IGSF21: variants seen among roughly 807,000 people sequenced by gnomAD.
IGSF21 encodes immunoglobin superfamily member 21, also known as immunoglobulin superfamily member 21.
IGSF21 carries 28 observed loss-of-function variants against 46.8 expected under a neutral mutation model. The ratio of observed to expected loss-of-function variants is 0.60; its 90% CI spans 0.44 to 0.82. IGSF21 has a LOEUF of 0.82. IGSF21 is among the 40% of genes least tolerant of loss of function. IGSF21 has a pLI of 0.00. For missense variants in IGSF21, 624 were observed against 665.5 expected (o/e 0.94, Z 0.69); for synonymous variants, 284 against 273.6 (o/e 1.04, Z -0.38).
chr1:18,153,386 T>G (rs1192636286), intron 1 of IGSF21, among the ~76,000 whole-genome samples: 1 of 152,168 alleles, frequency 6.6e-6, no homozygotes, highest in East Asian at 1.9e-4. Flanking sequence ...CCCAGCCAGA[T>G]GGATGGAGCG....
At chr1:18,165,673 T>C (rs2086671672) in intron 1 of IGSF21, among the ~76,000 whole-genome samples, 1 of 152,228 alleles carries the variant, frequency 6.6e-6, no homozygotes, top group Non-Finnish European at 1.5e-5. Context: ...TTCAAAGACC[T>C]GTGCTAACAT....
At chr1:18,243,865 C>A (rs2084757696) in intron 2 of IGSF21, among the ~76,000 whole-genome samples, 1 of 152,144 alleles carries the variant, frequency 6.6e-6, no homozygotes. Context: ...TGCCAAGGTG[C>A]CTCTAGAGAC....
chr1:18,266,806 ACACAGGGGCCTTCACAGC>A (rs2084993833), intron 2 of IGSF21, among the ~76,000 whole-genome samples: 1 of 152,222 alleles, frequency 6.6e-6, no homozygotes, highest in African/African-American at 2.4e-5. Flanking sequence ...TCACTACGTG[ACACAGGGGCCTTCACAGC>A]CACAGTGTGC....
chr1:18,216,506 G>A (rs2084449937), intron 1 of IGSF21, among the ~76,000 whole-genome samples: 1 of 152,176 alleles, frequency 6.6e-6, no homozygotes, highest in African/African-American at 2.4e-5. Context: ...GGACAAGTTT[G>A]GGGGCCAGAG....
chr1:18,298,295 C>T (rs1326574232), intron 3 of IGSF21, among the ~76,000 whole-genome samples: 2 of 151,336 alleles, frequency 1.3e-5, no homozygotes, highest in Non-Finnish European at 2.9e-5. Context: ...AAGACAAAGC[C>T]GTCCACAGAG....
chr1:18,303,274 C>T (rs2085378904), intron 3 of IGSF21, among the ~76,000 whole-genome samples: 1 of 152,176 alleles, frequency 6.6e-6, no homozygotes, highest in Admixed American at 6.5e-5. Flanking sequence ...CCCTAGCAAC[C>T]ATCCTGTGCA....
intron 4 of IGSF21, among the ~76,000 whole-genome samples, chr1:18,349,582 C>A (rs1337221995): frequency 2.0e-5 from 3 of 152,100 alleles, no homozygotes; most frequent in Admixed American, 2.0e-4. Flanking sequence ...TGGCAGGAAC[C>A]CAAGGCATGA....
At chr1:18,369,980 C>T (rs1477526407) in intron 6 of IGSF21, among the ~76,000 whole-genome samples, 1 of 152,122 alleles carries the variant, frequency 6.6e-6, no homozygotes, top group African/African-American at 2.4e-5. Context: ...GCCTTGCAGA[C>T]CCCTCACCTT....
intron 2 of IGSF21, among the ~76,000 whole-genome samples, chr1:18,238,741 T>C (rs74056555): frequency 0.012 from 1,820 of 152,062 alleles, 39 homozygotes; most frequent in African/African-American, 0.042. Flanking sequence ...ACACGGCATA[T>C]CTAAGGATAA....
chr1:18,369,543 G>A (rs759625903), intron 6 of IGSF21, among the ~76,000 whole-genome samples: 2 of 152,200 alleles, frequency 1.3e-5, no homozygotes, highest in Non-Finnish European at 2.9e-5. Flanking sequence ...AGACGTCACT[G>A]AGCCAGGGGA....
chr1:18,255,196 G>C (rs897264251), intron 2 of IGSF21, among the ~76,000 whole-genome samples: 2 of 152,180 alleles, frequency 1.3e-5, no homozygotes, highest in Admixed American at 6.5e-5. Flanking sequence ...GAGGCTTGGA[G>C]GAGGGGGCTA....
At chr1:18,287,708 T>G (rs1281129375) in intron 2 of IGSF21, among the ~76,000 whole-genome samples, 3 of 152,226 alleles carry the variant, frequency 2.0e-5, no homozygotes, top group Admixed American at 6.5e-5. Flanking sequence ...TGCCTCCAGG[T>G]ACTCACTCAG....
At chr1:18,255,353 A>C (rs918432466) in intron 2 of IGSF21, among the ~76,000 whole-genome samples, 2 of 152,168 alleles carry the variant, frequency 1.3e-5, no homozygotes, top group African/African-American at 4.8e-5. Context: ...GTCAAGCCCA[A>C]TATTGCCCAT....
At chr1:18,292,944 G>A (rs2085281103) in intron 3 of IGSF21, among the ~76,000 whole-genome samples, 1 of 152,254 alleles carries the variant, frequency 6.6e-6, no homozygotes, top group African/African-American at 2.4e-5. Flanking sequence ...CAGCCTGAAA[G>A]TAGTGGTCTG....
chr1:18,221,938 G>C (rs2084514737), intron 1 of IGSF21, among the ~76,000 whole-genome samples: 1 of 152,166 alleles, frequency 6.6e-6, no homozygotes, highest in Non-Finnish European at 1.5e-5. Context: ...GGGTTAGTTG[G>C]AGCAGGAAGA....
At chr1:18,234,929 G>A (rs999015983) in intron 2 of IGSF21, among the ~76,000 whole-genome samples, 3 of 152,182 alleles carry the variant, frequency 2.0e-5, no homozygotes, top group Admixed American at 6.5e-5. Flanking sequence ...TCCTGGGGAT[G>A]GGGTGATGGG....
intron 1 of IGSF21, among the ~76,000 whole-genome samples, chr1:18,215,228 A>C (rs1325204183): frequency 6.6e-6 from 1 of 152,232 alleles, no homozygotes; most frequent in Non-Finnish European, 1.5e-5. Flanking sequence ...AGAACTTATT[A>C]GTTCATTCAT....
chr1:18,270,810 G>A lies in IGSF21; in HGVS notation c.184-21056G>A, dbSNP rs138268426. On this transcript the variant is annotated intron_variant, in intron 2 of 9. Transcript: ENST00000251296. The stretch of plus-strand genomic sequence containing the variant: ...AAAAAAGGAAACTACCCAAACTGGT[G>A]CCATCAAGGCTGTCACTCACTCTCC... Among the ~76,000 whole-genome samples the A allele has an allele frequency of 7.0e-4, 106 of 151,928 alleles. 1 individual carries two copies. The highest frequency in any genetic ancestry group is 9.8e-4 in the Admixed American group (15 of 15,268).
chr1:18,127,028 A>G (rs1001387693), intron 1 of IGSF21, among the ~76,000 whole-genome samples: 2 of 152,188 alleles, frequency 1.3e-5, no homozygotes, highest in African/African-American at 2.4e-5. Context: ...ATACAAGCCC[A>G]GGCTGTTGTC....
Sources: allele counts gnomAD v4.1 joint callset (sites outside exome capture counted in the v4.1 genomes callset), GRCh38; gene constraint gnomAD v4.1.1; transcripts MANE v1.5; gene names NCBI Gene and HGNC (gene_info 2026-07-23, HGNC 2026-07-21).